Variants in EPB41 observed in about 807,000 individuals in gnomAD.
The protein encoded by EPB41 is protein 4.1.
In EPB41, 65 loss-of-function variants were observed where a neutral mutation model predicts 108.0. The ratio of observed to expected loss-of-function variants is 0.60; its 90% CI spans 0.49 to 0.74. The LOEUF (loss-of-function observed/expected upper bound fraction) is 0.74. EPB41 is among the 30% of genes least tolerant of loss of function. The pLI is 0.00. For synonymous variants in EPB41, 336 were observed against 358.9 expected (o/e 0.94, Z 0.72); for missense variants, 875 against 1,037.0 (o/e 0.84, Z 2.15).
intron 1 of EPB41, among the ~76,000 whole-genome samples, chr1:28,962,303 C>T (rs1017082560): frequency 2.6e-5 from 4 of 152,072 alleles, no homozygotes; most frequent in African/African-American, 4.8e-5. Context: ...TCAGGTGATC[C>T]GCCTGCCTCA....
chr1:28,911,935 C>T (rs915929498), upstream of EPB41, among the ~76,000 whole-genome samples: 7 of 151,976 alleles, frequency 4.6e-5, no homozygotes, highest in Admixed American at 3.3e-4. Context: ...CAGCTACTCA[C>T]GAGGCTGAGG....
At chr1:29,069,052 TTTAA>T in intron 16 of EPB41, 1 of 868,710 alleles carries the variant, frequency 1.2e-6, no homozygotes. Context: ...AGAAAATGAA[TTTAA>T]TTATACCCTA....
chr1:28,928,589 C>G (rs927249233), intron 1 of EPB41, among the ~76,000 whole-genome samples: 5 of 152,296 alleles, frequency 3.3e-5, no homozygotes, highest in African/African-American at 1.2e-4. Flanking sequence ...AGTAAATATT[C>G]CCTTCCGGTT....
intron 16 of EPB41, among the ~76,000 whole-genome samples, chr1:29,091,175 T>C (rs1661038670): frequency 6.6e-6 from 1 of 152,228 alleles, no homozygotes; most frequent in South Asian, 2.1e-4. Flanking sequence ...CACAAATAGC[T>C]TCTTGATGAC....
chr1:28,994,296 A>C (rs1016539429), intron 3 of EPB41, among the ~76,000 whole-genome samples: 2 of 151,154 alleles, frequency 1.3e-5, no homozygotes, highest in African/African-American at 4.9e-5. Flanking sequence ...CTCAGCCTCC[A>C]GAGTAGCTGG....
rs533576151 is a variant in EPB41 at position 28,907,672 on chromosome 1, G to A, written c.-8+20462G>A. ...TGTCACAAAGTGATGAAGTGTGGTAGTGCGATCATGGCTCACTGCAACCTA... is the reference window on the plus strand; with the variant it reads ...TGTCACAAAGTGATGAAGTGTGGTAATGCGATCATGGCTCACTGCAACCTA... On this transcript the variant is annotated intron_variant, in intron 1 of 16. Transcript: ENST00000347529. Among the ~76,000 whole-genome samples, 12 of 152,036 alleles carry A rather than the reference G, an allele frequency of 7.9e-5. 1 individual carries two copies. The South Asian group carries it at 2.5e-3, about 32-fold the overall frequency.
intron 17 of EPB41, among the ~76,000 whole-genome samples, chr1:29,099,605 AT>A (rs1261580757): frequency 1.3e-5 from 2 of 152,116 alleles, no homozygotes; most frequent in East Asian, 3.8e-4. Context: ...CCTGCTAAAA[AT>A]TTTTTTACTT....
intron 1 of EPB41, among the ~76,000 whole-genome samples, chr1:28,927,065 G>A (rs2093485118): frequency 1.3e-5 from 2 of 152,204 alleles, no homozygotes; most frequent in African/African-American, 4.8e-5. Context: ...TTTTGCAGCA[G>A]ATGTGAAAGT....
chr1:29,075,933 G>A (rs1164621404), intron 16 of EPB41, among the ~76,000 whole-genome samples: 2 of 152,196 alleles, frequency 1.3e-5, no homozygotes, highest in Non-Finnish European at 2.9e-5. Flanking sequence ...TTGGAGGCCA[G>A]TGTTGCAGTC....
intron 1 of EPB41, among the ~76,000 whole-genome samples, chr1:28,979,396 T>C (rs1018778466): frequency 2.0e-5 from 3 of 151,202 alleles, no homozygotes; most frequent in Non-Finnish European, 4.4e-5. Context: ...ATACAAGAGA[T>C]CTCCCCTGCC....
chr1:28,984,660 GTTT>G (rs57968199), intron 1 of EPB41, among the ~76,000 whole-genome samples: 3 of 141,716 alleles, frequency 2.1e-5, no homozygotes, highest in Non-Finnish European at 1.5e-5. Flanking sequence ...AAAAACTTAG[GTTT>G]TTTTTTTTTT....
At chr1:29,069,260 T>C (rs1025626967) in intron 16 of EPB41, 1 of 1,231,556 alleles carries the variant, frequency 8.1e-7, no homozygotes, top group African/African-American at 1.6e-5. Context: ...CTAGCTCAAC[T>C]GAGAGAACTT....
At chr1:29,079,492 C>A (rs1312599050) in intron 16 of EPB41, among the ~76,000 whole-genome samples, 1 of 151,222 alleles carries the variant, frequency 6.6e-6, no homozygotes, top group South Asian at 2.1e-4. Flanking sequence ...ATCTCGGCAA[C>A]CTCCACTTCC....
intron 1 of EPB41, among the ~76,000 whole-genome samples, chr1:28,984,555 A>G (rs968357773): frequency 6.6e-6 from 1 of 152,194 alleles, no homozygotes; most frequent in Non-Finnish European, 1.5e-5. Context: ...AATTAGTATC[A>G]TGCATTTGAA....
intron 1 of EPB41, among the ~76,000 whole-genome samples, chr1:28,929,203 C>T (rs1422255951): frequency 9.9e-5 from 15 of 151,758 alleles, no homozygotes; most frequent in African/African-American, 3.4e-4. Context: ...GTGACCTTGG[C>T]CTTCTTTTTT....
chr1:28,999,319 G>T (rs2096250289), intron 4 of EPB41, among the ~76,000 whole-genome samples: 1 of 152,134 alleles, frequency 6.6e-6, no homozygotes, highest in Non-Finnish European at 1.5e-5. Flanking sequence ...GCAGTGAGCC[G>T]AGATTGTGCT....
At chr1:28,956,551 GTTGT>G (rs1226108721) in intron 1 of EPB41, among the ~76,000 whole-genome samples, 1 of 152,150 alleles carries the variant, frequency 6.6e-6, no homozygotes, top group Non-Finnish European at 1.5e-5. Context: ...CTCTTGGAAA[GTTGT>G]TTGACAAATT....
chr1:28,887,492 G>C lies in EPB41; in HGVS notation c.-8+282G>C, dbSNP rs2147776531. 1.0e-6 allele frequency: 1 copy of C among 985,332 alleles called. No homozygotes were observed. Among genetic ancestry groups the C allele is most frequent in the South Asian group, 4.7e-5 (1 of 21,284 alleles). The allele number at this position is 985,332 out of a possible 1,614,324, so 61.0% of individuals were successfully genotyped here. Reference sequence around the variant, plus strand: ...AGCTAGACACGTCCGGGTCCGGCCGGTCCTGGCTGTCTGGGGCGGGGGTCC... The same window carrying C: ...AGCTAGACACGTCCGGGTCCGGCCGCTCCTGGCTGTCTGGGGCGGGGGTCC... On this transcript the variant is annotated intron_variant, in intron 1 of 16. Transcript: ENST00000347529. This position sits in a 1 kb window ranked among gnomAD's most constrained non-coding sequence, Gnocchi z 4.9.
In EPB41 at chr1:29,067,540, G is replaced by A. The variant is rs1308144870; in HGVS notation, c.2184+2382G>A. Among the ~76,000 whole-genome samples, 4 of 131,314 alleles carry A rather than the reference G, an allele frequency of 3.0e-5. No individual in the cohort carries two copies. The South Asian group carries it at 1.0e-3, about 33-fold the overall frequency. 86.1% of individuals were successfully genotyped at this position (131,314 alleles called of 152,430 possible). A position where few individuals can be genotyped will look rare whatever the true frequency, so the allele number is the denominator to read the frequency against. ...AAAAAAGCCAGGCATGGTGGCATGC[G>A]CCTGTAATCTCAGCTACTTGGGAGG... On this transcript the variant is annotated intron_variant, in intron 16 of 20. Coordinates refer to ENST00000343067, the MANE Select transcript of EPB41 (RefSeq NM_001376013.1).
Sources: gnomAD v4.1 joint callset for allele counts (sites outside exome capture counted in the v4.1 genomes callset) on GRCh38, gnomAD v4.1.1 for gene constraint, Gnocchi (gnomAD v3.1) non-coding constraint, MANE v1.5 for transcripts, NCBI Gene and HGNC (gene_info 2026-07-23, HGNC 2026-07-21) for gene names.